Variants in TRMT13 observed in about 807,000 individuals in gnomAD.
The protein encoded by TRMT13 is tRNA methyltransferase 13, also known as tRNA:m(4)X modification enzyme TRM13 homolog.
A neutral mutation model predicts 55.9 loss-of-function variants in TRMT13; 45 were observed. The observed-to-expected ratio is 0.80, with a 90% CI of 0.63 to 1.03. The LOEUF (loss-of-function observed/expected upper bound fraction) is 1.03. Ranked by LOEUF, TRMT13 falls within the 50% of genes least tolerant of loss-of-function variation. The probability of loss-of-function intolerance (pLI) is 0.00; values close to 1 mark genes in which losing one functional copy is unlikely to be tolerated. For missense variants in TRMT13, 513 were observed against 563.9 expected, an observed-to-expected ratio of 0.91 and a Z score of 0.91; for synonymous variants, 183 against 196.3, an observed-to-expected ratio of 0.93 and a Z score of 0.57.
At position 100,140,192 on chromosome 1, in the gene TRMT13, C is replaced by G; in HGVS notation, c.335C>G (p.Ser112Cys). ...TEIPEQLVPI[S>C]SLSEEQLEKL... is the part of the protein sequence containing the mutation. ...TATTTTTGTATATAGGTTCCAATTT[C>G]TTCTCTATCTGAAGAGCAGTTGGAA... Residue 112 changes from serine to cysteine, a missense_variant, in exon 5 of 11, where the codon TCT (serine) becomes TGT (cysteine). Physicochemically the swap from Ser to Cys is moderately radical, Grantham distance 112. Around this residue, in one of 3 missense-constraint regions of TRMT13, gnomAD observed 298 missense variants for 290.3 expected, o/e 1.03. Coordinates refer to ENST00000370141, the MANE Select transcript of TRMT13 (RefSeq NM_019083.3). 6.2e-7 allele frequency: 1 copy of G among 1,609,136 alleles called. No homozygotes were observed. The highest frequency in any genetic ancestry group is 8.5e-7 in the Non-Finnish European group (1 of 1,177,568).
chr1:100,133,725 G>A (rs1655370219), intron 1 of TRMT13, among the ~76,000 whole-genome samples: 1 of 152,136 alleles, frequency 6.6e-6, no homozygotes, highest in Non-Finnish European at 1.5e-5. Flanking sequence ...TCTCGTGAAT[G>A]CGGTTGGAAG....
In TRMT13 at chr1:100,149,303, T is replaced by C; in HGVS notation, c.*483T>C. ...GATCTGGAAAGCACAATTGTGATTT[T>C]CTCAAATGCAGACAATTCAGAGATA... On this transcript the variant is annotated 3_prime_UTR_variant, in exon 11 of 11. Transcript: ENST00000370141. 2.6e-6 allele frequency: 4 copies of C among 1,532,460 alleles called. No homozygotes were observed. In the South Asian group the frequency reaches 5.1e-5, roughly 20 times the overall value. 94.9% of individuals were successfully genotyped at this position (1,532,460 alleles called of 1,614,324 possible).
At chr1:100,133,342 A>T in intron 1 of TRMT13, 27 bp downstream of exon 1, 1 of 1,610,542 alleles carries the variant, frequency 6.2e-7, no homozygotes. Context: ...CTCTCTCAAG[A>T]GTCGGAAATA....
chr1:100,137,767 G>A (rs1232607713), intron 3 of TRMT13, among the ~76,000 whole-genome samples: 1 of 152,150 alleles, frequency 6.6e-6, no homozygotes, highest in Non-Finnish European at 1.5e-5. Flanking sequence ...CAGTTACTTT[G>A]ACAACAAAAT....
At chr1:100,136,090 C>G (rs1655820422) in intron 1 of TRMT13, among the ~76,000 whole-genome samples, 1 of 152,046 alleles carries the variant, frequency 6.6e-6, no homozygotes, top group Non-Finnish European at 1.5e-5. Flanking sequence ...TGATGTTCTC[C>G]CAATGACAAA....
chr1:100,149,146 TATTA>T lies in TRMT13; in HGVS notation c.*330_*333del, dbSNP rs1183318444. The T allele has an allele frequency of 3.8e-6, 6 of 1,565,276 alleles. No individual in the cohort carries two copies. Among genetic ancestry groups the T allele is most frequent in the Non-Finnish European group, 5.2e-6 (6 of 1,164,056 alleles). On this transcript the variant is annotated 3_prime_UTR_variant, in exon 11 of 11. Transcript: ENST00000370141. The stretch of plus-strand genomic sequence containing the variant: ...CACATAATTAGCGTATTTCTGTTTG[TATTA>T]ATTTTGGAAATTTATCTTCCTTTGA...
rs1657738827 is a variant in TRMT13, at chr1:100,149,515, T to TA, written c.*696dup. 1 of 1,324,028 alleles carries TA rather than the reference T, an allele frequency of 7.6e-7. No individual in the cohort carries two copies. Among genetic ancestry groups the TA allele is most frequent in the Non-Finnish European group, 1.0e-6 (1 of 973,956 alleles). The allele number at this position is 1,324,028 out of a possible 1,614,324, so 82.0% of individuals were successfully genotyped here. ...TAGTTAGAACTTCCAAAAAGATACT[T>TA]ACAAACATAATTCACAAATTTGAAA... On this transcript the variant is annotated 3_prime_UTR_variant, in exon 11 of 11. Transcript: ENST00000370141.
At position 100,148,689 on chromosome 1, in the gene TRMT13, C is replaced by T. The variant is rs550687411; in HGVS notation, c.1315C>T (p.Arg439Ter). Residue 439 changes from arginine to a stop codon, truncating the protein, a stop_gained, in exon 11 of 11, where the codon CGA becomes TGA. Coordinates refer to ENST00000370141, the MANE Select transcript of TRMT13 (RefSeq NM_019083.3). LOFTEE classifies it high-confidence loss of function. ...HLCKLLIDQG[R>*]IQYLQQKGFS... ...TTGTAAATTGCTGATTGACCAAGGT[C>T]GAATCCAGTATTTGCAGCAGAAGGG... 6 of 1,613,094 alleles carry T rather than the reference C, an allele frequency of 3.7e-6. No individual in the cohort carries two copies. Among genetic ancestry groups the T allele is most frequent in the South Asian group, 3.3e-5 (3 of 90,894 alleles).
At chr1:100,139,229 G>A (rs1457499928) in intron 3 of TRMT13, among the ~76,000 whole-genome samples, 1 of 152,232 alleles carries the variant, frequency 6.6e-6, no homozygotes. Flanking sequence ...CATGCTGCAT[G>A]TCTGATAAGC....
intron 3 of TRMT13, among the ~76,000 whole-genome samples, chr1:100,137,835 G>A (rs1288462391): frequency 6.6e-6 from 1 of 152,180 alleles, no homozygotes; most frequent in African/African-American, 2.4e-5. Context: ...GATGGCATAA[G>A]TTTAGAAAGT....
At chr1:100,139,819 A>C (rs1557908657) in intron 4 of TRMT13, 108 bp downstream of exon 4, 1 of 727,460 alleles carries the variant, frequency 1.4e-6, no homozygotes, top group Non-Finnish European at 2.2e-6. Flanking sequence ...TTTAATTTAG[A>C]ATGCATTTTC....
At position 100,149,092 on chromosome 1, in the gene TRMT13, G is replaced by T. The variant is rs765070352; in HGVS notation, c.*272G>T. On this transcript the variant is annotated 3_prime_UTR_variant, in exon 11 of 11. Transcript: ENST00000370141. ...GGTAAAGTAGTTGAACCGTTGACTT[G>T]GTGATCTGAAACATACATAACATGT... 8 of 1,601,182 alleles carry T rather than the reference G, an allele frequency of 5.0e-6. No individual in the cohort carries two copies. The highest frequency in any genetic ancestry group is 6.0e-6 in the Non-Finnish European group (7 of 1,175,822).
chr1:100,141,229 C>G (rs1260733657), intron 7 of TRMT13, among the ~76,000 whole-genome samples: 1 of 152,146 alleles, frequency 6.6e-6, no homozygotes, highest in Non-Finnish European at 1.5e-5. Flanking sequence ...GATCTGAATT[C>G]TTAAAATTAT....
In TRMT13 at chr1:100,149,738, CTA is replaced by C. The variant is rs1657769562; in HGVS notation, c.*919_*920del. On this transcript the variant is annotated 3_prime_UTR_variant, in exon 11 of 11. Coordinates refer to ENST00000370141, the MANE Select transcript of TRMT13 (RefSeq NM_019083.3). Reference sequence around the variant, plus strand: ...ACTGGTTTCTATGCACAAGAAAATACTAAACCAAATATATGGTAGGACTGTTA... The same window carrying C: ...ACTGGTTTCTATGCACAAGAAAATACAACCAAATATATGGTAGGACTGTTA... 4.4e-6 allele frequency: 1 copy of C among 225,002 alleles called. No homozygotes were observed. Among genetic ancestry groups the C allele is most frequent in the African/African-American group, 2.4e-5 (1 of 42,552 alleles). The allele number at this position is 225,002 out of a possible 1,614,324, so 13.9% of individuals were successfully genotyped here.
At chr1:100,135,553 A>G (rs1229966380) in intron 1 of TRMT13, among the ~76,000 whole-genome samples, 1 of 152,178 alleles carries the variant, frequency 6.6e-6, no homozygotes, top group Non-Finnish European at 1.5e-5. Flanking sequence ...TGTTTTGTTA[A>G]CTATTAGCTC....
In TRMT13 at chr1:100,149,733, A is replaced by C. The variant is rs1657768082; in HGVS notation, c.*913A>C. 4.3e-6 allele frequency: 1 copy of C among 230,624 alleles called. No individual in the cohort carries two copies. The highest frequency in any genetic ancestry group is 6.0e-5 in the Admixed American group (1 of 16,778). The allele number at this position is 230,624 out of a possible 1,614,324, so 14.3% of individuals were successfully genotyped here. On this transcript the variant is annotated 3_prime_UTR_variant, in exon 11 of 11. Coordinates refer to ENST00000370141, the MANE Select transcript of TRMT13 (RefSeq NM_019083.3). ...TCATGACTGGTTTCTATGCACAAGA[A>C]AATACTAAACCAAATATATGGTAGG...
Position 100,133,331 on chromosome 1 carries a change from ACT to A in TRMT13, c.147+22_147+23del. 1.2e-6 allele frequency: 2 copies of A among 1,612,728 alleles called. No individual in the cohort carries two copies. Among genetic ancestry groups the A allele is most frequent in the South Asian group, 1.1e-5 (1 of 90,956 alleles). On this transcript the variant is annotated intron_variant, in intron 1 of 10. Transcript: ENST00000370141. The stretch of plus-strand genomic sequence containing the variant: ...AGCCGCGGAGGTGTGGTATCGCCCT[ACT>A]CTCTCAAGAGTCGGAAATAAGTATC...
intron 3 of TRMT13, among the ~76,000 whole-genome samples, chr1:100,137,362 AT>A (rs1319837635): frequency 6.6e-6 from 1 of 151,806 alleles, no homozygotes; most frequent in Non-Finnish European, 1.5e-5. Context: ...CACCTGGCTT[AT>A]TTTTTTATTT....
At chr1:100,147,407 G>A (rs936249211) in intron 9 of TRMT13, among the ~76,000 whole-genome samples, 2 of 152,302 alleles carry the variant, frequency 1.3e-5, no homozygotes, top group Admixed American at 1.3e-4. Flanking sequence ...CAACTCTTCA[G>A]TTCATCACTA....
Sources: allele counts gnomAD v4.1 joint callset (sites outside exome capture counted in the v4.1 genomes callset), GRCh38; gene constraint gnomAD v4.1.1; regional missense constraint gnomAD v4.1.1; transcripts MANE v1.5; gene names NCBI Gene and HGNC (gene_info 2026-07-23, HGNC 2026-07-21).